The following CDH23 variants were observed in gnomAD, a reference collection of about 807,000 sequenced individuals.
The protein encoded by CDH23 is cadherin related 23, also known as cadherin-23.
In CDH23, 189 loss-of-function variants were observed where a neutral mutation model predicts 317.1. The ratio of observed to expected loss-of-function variants is 0.60; its 90% CI spans 0.53 to 0.67. CDH23 has a LOEUF of 0.67. Among genes scored for constraint, CDH23 ranks in the 30% least tolerant of loss-of-function variants. The pLI is 0.00. For synonymous variants in CDH23, 1,839 were observed against 1,876.8 expected (o/e 0.98, Z 0.52); for missense variants, 4,401 against 4,592.4 (o/e 0.96, Z 1.20).
intron 11 of CDH23, among the ~76,000 whole-genome samples, chr10:71,642,662 C>T (rs776635427): frequency 4.0e-5 from 6 of 151,784 alleles, no homozygotes; most frequent in Admixed American, 6.6e-5. Flanking sequence ...CGCTTCCCGA[C>T]GTGCTGGGAT....
intron 38 of CDH23, among the ~76,000 whole-genome samples, chr10:71,763,552 G>C (rs1185405181): frequency 1.3e-5 from 2 of 152,218 alleles, no homozygotes; most frequent in Non-Finnish European, 2.9e-5. Flanking sequence ...GCCCAGCCAG[G>C]AGGGAGGCAG....
intron 10 of CDH23, among the ~76,000 whole-genome samples, chr10:71,616,303 G>A (rs1315206359): frequency 6.6e-6 from 1 of 152,236 alleles, no homozygotes; most frequent in East Asian, 1.9e-4. Flanking sequence ...CTCTGGGAAG[G>A]AGGCCCTTCC....
intron 3 of CDH23, among the ~76,000 whole-genome samples, chr10:71,476,728 A>G (rs1407399059): frequency 6.6e-6 from 1 of 152,236 alleles, no homozygotes; most frequent in East Asian, 1.9e-4. Context: ...AAACACATGT[A>G]TGATAAACCA....
At chr10:71,523,459 G>A (rs1011668817) in intron 6 of CDH23, among the ~76,000 whole-genome samples, 1 of 152,192 alleles carries the variant, frequency 6.6e-6, no homozygotes, top group African/African-American at 2.4e-5. Context: ...AAAAGATGGA[G>A]ATGGAGGGAA....
chr10:71,638,631 C>G (rs962166752), intron 11 of CDH23, among the ~76,000 whole-genome samples: 6 of 152,354 alleles, frequency 3.9e-5, no homozygotes, highest in African/African-American at 1.4e-4. Flanking sequence ...GGTCTGCATG[C>G]AGGTGGTTAA....
At chr10:71,432,460 T>A (rs1849436854) in intron 1 of CDH23, among the ~76,000 whole-genome samples, 1 of 148,312 alleles carries the variant, frequency 6.7e-6, no homozygotes, top group Non-Finnish European at 1.5e-5. Context: ...TGTGAGAGCA[T>A]GTGAGTGTGT....
At chr10:71,438,033 A>C (rs1233568600) in intron 1 of CDH23, among the ~76,000 whole-genome samples, 1 of 152,144 alleles carries the variant, frequency 6.6e-6, no homozygotes, top group African/African-American at 2.4e-5. Flanking sequence ...TTATTATTCA[A>C]ATACATCTTA....
At chr10:71,724,577 C>T (rs1038674687) in intron 29 of CDH23, among the ~76,000 whole-genome samples, 2 of 152,222 alleles carry the variant, frequency 1.3e-5, no homozygotes, top group Admixed American at 6.5e-5. Flanking sequence ...GCTAGGATTA[C>T]AGGCGTGAGC....
chr10:71,766,881 C>T (rs573060157), intron 38 of CDH23, among the ~76,000 whole-genome samples: 34 of 152,354 alleles, frequency 2.2e-4, no homozygotes, highest in Admixed American at 2.0e-3. Context: ...CCTCATCCTT[C>T]AGCTATTTAG....
Position 71,805,906 on chromosome 10 carries a change from A to G in CDH23, c.7973A>G (p.Asn2658Ser), listed in dbSNP as rs763484539. The G allele has an allele frequency of 1.9e-6, 3 of 1,613,668 alleles. No homozygotes were observed. The highest frequency in any genetic ancestry group is 1.7e-5 in the Admixed American group (1 of 59,990). Residue 2658 changes from asparagine to serine, a missense_variant, in exon 56 of 70, where the codon AAC becomes AGC. Physicochemically the swap from Asn to Ser is conservative, Grantham distance 46 (BLOSUM62 1). This residue lies in a region of CDH23 where 1,144 missense variants were observed against 1,138.2 expected (regional missense o/e 1.01). Transcript: ENST00000224721. Reference sequence around the variant, plus strand: ...TACAGCTTCCTGAAGACTGCGGGCAACCGGGACTGGGAGTTCTTCATCATC... The same window carrying G: ...TACAGCTTCCTGAAGACTGCGGGCAGCCGGGACTGGGAGTTCTTCATCATC... ...VRYSFLKTAG[N>S]RDWEFFIIDP...
chr10:71,440,643 C>A (rs776415924), intron 2 of CDH23, among the ~76,000 whole-genome samples: 1 of 152,212 alleles, frequency 6.6e-6, no homozygotes, highest in Non-Finnish European at 1.5e-5. Flanking sequence ...GCTCAGAGTG[C>A]CAGCTCCAGA....
In CDH23 at chr10:71,739,681, C is replaced by G. The variant is rs778776723; in HGVS notation, c.4397C>G (p.Ala1466Gly). The change falls in exon 36 of 70, where the codon GCC becomes GGC. Residue 1466 changes from alanine (A) to glycine (G), a missense_variant. By Grantham distance (60) the Ala-to-Gly change is moderately conservative. Coordinates refer to ENST00000224721, the MANE Select transcript of CDH23 (RefSeq NM_022124.6). ...CTGGCCTCTGGCAACATCGCGGGGGCCTTTGAGATCGTCACCACCAATGAC... is the reference window on the plus strand; with the variant it reads ...CTGGCCTCTGGCAACATCGCGGGGGGCTTTGAGATCGTCACCACCAATGAC... ...FSLASGNIAG[A>G]FEIVTTNDSI... 1 of 1,613,196 alleles carries G rather than the reference C, an allele frequency of 6.2e-7. No homozygotes were observed. Among genetic ancestry groups the G allele is most frequent in the Non-Finnish European group, 8.5e-7 (1 of 1,179,608 alleles).
chr10:71,512,586 T>C (rs1353944489), intron 6 of CDH23, among the ~76,000 whole-genome samples: 1 of 152,200 alleles, frequency 6.6e-6, no homozygotes, highest in Admixed American at 6.5e-5. Context: ...TCAGCTGCCA[T>C]CCTGGCAGGC....
At chr10:71,646,416 G>C in intron 13 of CDH23, 43 bp from the exon 14 acceptor site, 3 of 1,604,736 alleles carry the variant, frequency 1.9e-6, no homozygotes, top group African/African-American at 1.3e-5. Context: ...CTCTGGGAGG[G>C]GACATGTGGG....
chr10:71,798,682 C>A, intron 50 of CDH23, 104 bp downstream of exon 50: 2 of 911,174 alleles, frequency 2.2e-6, no homozygotes, highest in Non-Finnish European at 3.2e-6. Context: ...GTGGACTGGG[C>A]CAGATCCAAG....
intron 14 of CDH23, among the ~76,000 whole-genome samples, chr10:71,668,256 G>A (rs1013435958): frequency 6.6e-6 from 1 of 152,166 alleles, no homozygotes; most frequent in South Asian, 2.1e-4. Context: ...CTCTTTCCAA[G>A]CAGAACGTAG....
At chr10:71,524,540 C>T (rs748247514) in intron 6 of CDH23, among the ~76,000 whole-genome samples, 12 of 152,288 alleles carry the variant, frequency 7.9e-5, no homozygotes, top group East Asian at 1.9e-4. Context: ...TCTAATGGGG[C>T]TGGAGTGTGG....
intron 38 of CDH23, chr10:71,754,988 A>G (rs1212847334): frequency 2.3e-6 from 1 of 431,194 alleles, no homozygotes; most frequent in Non-Finnish European, 4.8e-6. Flanking sequence ...AACAATTGCT[A>G]CTAATTACAA....
chr10:71,694,198 T>A lies in CDH23; in HGVS notation c.2228T>A (p.Ile743Asn). 1.9e-6 allele frequency: 3 copies of A among 1,613,474 alleles called. No homozygotes were observed. Among genetic ancestry groups the A allele is most frequent in the Non-Finnish European group, 2.5e-6 (3 of 1,179,788 alleles). The change falls in exon 21 of 70, where the codon ATC becomes AAC. Residue 743 changes from isoleucine to asparagine, a missense_variant. By Grantham distance (149) the Ile-to-Asn change is moderately radical. Transcript: ENST00000224721. ...GACCGAGAGACCAAGTCTGAATACA[T>A]CCTCATCGTTCGCGCAGTGGACGGG... ...LLDRETKSEY[I>N]LIVRAVDGGV...
Sources: allele counts gnomAD v4.1 joint callset (sites outside exome capture counted in the v4.1 genomes callset), GRCh38; gene constraint gnomAD v4.1.1; regional missense constraint gnomAD v4.1.1; transcripts MANE v1.5; gene names NCBI Gene and HGNC (gene_info 2026-07-23, HGNC 2026-07-21).